The following NCAM2 variants were observed in gnomAD, a reference collection of about 807,000 sequenced individuals.
The protein encoded by NCAM2 is N-CAM-2.
In NCAM2, 30 loss-of-function variants were observed where a neutral mutation model predicts 98.1. The ratio of observed to expected loss-of-function variants is 0.31; its 90% CI spans 0.23 to 0.41. The LOEUF is 0.41. Among genes scored for constraint, NCAM2 ranks in the 10% least tolerant of loss-of-function variants. The probability of loss-of-function intolerance (pLI) is 1.00; values close to 1 mark genes in which losing one functional copy is unlikely to be tolerated. For missense variants in NCAM2, 867 were observed against 1,005.8 expected, an observed-to-expected ratio of 0.86 and a Z score of 1.87; for synonymous variants, 368 against 342.4, an observed-to-expected ratio of 1.07 and a Z score of -0.83.
intron 15 of NCAM2, among the ~76,000 whole-genome samples, chr21:21,490,843 T>A (rs915077310): frequency 2.0e-5 from 3 of 151,868 alleles, no homozygotes; most frequent in African/African-American, 7.2e-5. Flanking sequence ...CTCAGTATCA[T>A]CTTATTTAAA....
chr21:21,248,359 T>C (rs2071355404), intron 1 of NCAM2, among the ~76,000 whole-genome samples: 1 of 152,198 alleles, frequency 6.6e-6, no homozygotes, highest in East Asian at 1.9e-4. Context: ...AATTTCATTT[T>C]GATTATCATT....
intron 1 of NCAM2, among the ~76,000 whole-genome samples, chr21:21,190,239 T>C (rs2068776407): frequency 6.6e-6 from 1 of 152,186 alleles, no homozygotes; most frequent in Non-Finnish European, 1.5e-5. Flanking sequence ...TAAGTGTTAG[T>C]GCAAGTAAGG....
intron 12 of NCAM2, among the ~76,000 whole-genome samples, chr21:21,456,128 A>G (rs1293018676): frequency 6.6e-6 from 1 of 152,156 alleles, no homozygotes; most frequent in Non-Finnish European, 1.5e-5. Flanking sequence ...AGAGAATACA[A>G]ATGATATAGC....
At chr21:21,332,161 G>T (rs1036006436) in intron 6 of NCAM2, among the ~76,000 whole-genome samples, 1 of 152,164 alleles carries the variant, frequency 6.6e-6, no homozygotes, top group African/African-American at 2.4e-5. Flanking sequence ...GCCCGCCTCG[G>T]CCTCCCAAAG....
At chr21:21,334,463 T>C (rs1041280399) in intron 6 of NCAM2, among the ~76,000 whole-genome samples, 4 of 152,160 alleles carry the variant, frequency 2.6e-5, no homozygotes, top group Admixed American at 2.6e-4. Context: ...TTGATTTTAT[T>C]TTAGAAAATA....
chr21:21,468,900 C>A, intron 14 of NCAM2, 117 bp downstream of exon 14: 2 of 911,272 alleles, frequency 2.2e-6, no homozygotes, highest in South Asian at 2.8e-5. Context: ...GTAATAAATG[C>A]TAATCTTCCT....
intron 16 of NCAM2, among the ~76,000 whole-genome samples, chr21:21,514,070 T>C (rs1988558418): frequency 6.6e-6 from 1 of 151,642 alleles, no homozygotes; most frequent in Admixed American, 6.6e-5. Flanking sequence ...ATATATAACC[T>C]GGGCTATACA....
intron 15 of NCAM2, among the ~76,000 whole-genome samples, chr21:21,495,720 T>C (rs1335304721): frequency 2.6e-5 from 4 of 152,010 alleles, no homozygotes; most frequent in African/African-American, 9.7e-5. Flanking sequence ...CACAGTTTCA[T>C]ACATCTTTTT....
At chr21:21,248,584 G>A (rs768273698) in intron 1 of NCAM2, among the ~76,000 whole-genome samples, 5 of 151,612 alleles carry the variant, frequency 3.3e-5, no homozygotes, top group Non-Finnish European at 5.9e-5. Context: ...AGACTATCCC[G>A]GCTAACACAG....
At chr21:21,231,545 A>G (rs1014118257) in intron 1 of NCAM2, among the ~76,000 whole-genome samples, 41 of 151,450 alleles carry the variant, frequency 2.7e-4, no homozygotes, top group African/African-American at 9.7e-4. Context: ...GTATTAAACT[A>G]TGTTTCAAGG....
chr21:21,488,705 A>G (rs935913823), intron 15 of NCAM2, among the ~76,000 whole-genome samples: 2 of 151,814 alleles, frequency 1.3e-5, no homozygotes, highest in Non-Finnish European at 2.9e-5. Flanking sequence ...TTTTCTTTAA[A>G]GGTTTAAATT....
chr21:21,028,043 AG>A (rs1191078311), intron 1 of NCAM2, among the ~76,000 whole-genome samples: 1 of 151,936 alleles, frequency 6.6e-6, no homozygotes, highest in Admixed American at 6.6e-5. Flanking sequence ...TTGTATTTTT[AG>A]TAGAGATGGG....
At chr21:21,466,550 A>G (rs1166547501) in intron 12 of NCAM2, 56 bp from the exon 13 acceptor site, 5 of 1,265,590 alleles carry the variant, frequency 4.0e-6, no homozygotes, top group Admixed American at 3.1e-5. Flanking sequence ...AATGTGTCCA[A>G]TTAGATATAT....
At chr21:21,393,323 G>A (rs953219041) in intron 9 of NCAM2, among the ~76,000 whole-genome samples, 3 of 152,014 alleles carry the variant, frequency 2.0e-5, no homozygotes, top group Admixed American at 2.0e-4. Flanking sequence ...TCTTGTATCA[G>A]TACCATGCTG....
At chr21:21,384,012 A>G (rs1036942968) in intron 9 of NCAM2, among the ~76,000 whole-genome samples, 4 of 152,026 alleles carry the variant, frequency 2.6e-5, no homozygotes, top group African/African-American at 9.6e-5. Context: ...GTGTTTGTTG[A>G]CATGTTTACA....
At chr21:21,461,450 CA>C (rs1982964203) in intron 12 of NCAM2, among the ~76,000 whole-genome samples, 1 of 151,820 alleles carries the variant, frequency 6.6e-6, no homozygotes, top group East Asian at 1.9e-4. Flanking sequence ...GTTACATAAG[CA>C]GTACAATAAA....
intron 9 of NCAM2, among the ~76,000 whole-genome samples, chr21:21,386,012 G>C (rs918890372): frequency 6.6e-6 from 1 of 152,000 alleles, no homozygotes; most frequent in Admixed American, 6.6e-5. Flanking sequence ...GTATAAAAGA[G>C]AGAGTTAGCA....
chr21:21,091,130 CAATACTGTGTGTTGCATGAATG>C (rs1184705420), intron 1 of NCAM2, among the ~76,000 whole-genome samples: 3 of 152,236 alleles, frequency 2.0e-5, no homozygotes, highest in Admixed American at 2.0e-4. Context: ...AATTGGTTCT[CAATACTGTGTGTTGCATGAATG>C]AATGATATCC....
chr21:21,335,659 G>A lies in NCAM2; in HGVS notation c.892G>A (p.Val298Ile). 1 of 1,604,776 alleles carries A rather than the reference G, an allele frequency of 6.2e-7. No individual in the cohort carries two copies. Among genetic ancestry groups the A allele is most frequent in the Non-Finnish European group, 8.5e-7 (1 of 1,176,200 alleles). The change falls in exon 7 of 18, where the codon GTC becomes ATC. Residue 298 changes from valine (V) to isoleucine (I), a missense_variant. Transcript: ENST00000400546. Reference sequence around the variant, plus strand: ...AGATGAAAAGCAAGCTTTCCTCCAAGTCTTTGGTAAGTATTATAGCATAGT... The same window carrying A: ...AGATGAAAAGCAAGCTTTCCTCCAAATCTTTGGTAAGTATTATAGCATAGT... ...GEDEKQAFLQ[V>I]FVQPHIIQLK...
Sources: gnomAD v4.1 joint callset for allele counts (sites outside exome capture counted in the v4.1 genomes callset) on GRCh38, gnomAD v4.1.1 for gene constraint, MANE v1.5 for transcripts, NCBI Gene and HGNC (gene_info 2026-07-23, HGNC 2026-07-21) for gene names.